The following NCK2 variants were observed in gnomAD, a reference collection of about 807,000 sequenced individuals.
NCK2 encodes cytoplasmic protein NCK2.
In NCK2, 16 loss-of-function variants were observed where a neutral mutation model predicts 33.9. The observed-to-expected ratio is 0.47, with a 90% CI of 0.32 to 0.72. The LOEUF is 0.72. Among genes scored for constraint, NCK2 ranks in the 30% least tolerant of loss-of-function variants. NCK2 has a pLI of 0.03. For missense variants in NCK2, 418 were observed against 537.3 expected, an observed-to-expected ratio of 0.78 and a Z score of 2.19; for synonymous variants, 273 against 239.9, an observed-to-expected ratio of 1.14 and a Z score of -1.27.
chr2:105,843,132 A>T (rs968455584), intron 2 of NCK2, among the ~76,000 whole-genome samples: 13 of 152,126 alleles, frequency 8.5e-5, no homozygotes, highest in African/African-American at 2.9e-4. Context: ...ATATCTACAT[A>T]TACATAAATG....
At chr2:105,776,520 G>T (rs1205822788) in intron 1 of NCK2, among the ~76,000 whole-genome samples, 1 of 152,160 alleles carries the variant, frequency 6.6e-6, no homozygotes, top group African/African-American at 2.4e-5. Context: ...CCCGTGGAGG[G>T]CTCCTGCATG....
intron 1 of NCK2, among the ~76,000 whole-genome samples, chr2:105,775,197 T>C (rs1690260960): frequency 6.6e-6 from 1 of 152,218 alleles, no homozygotes; most frequent in African/African-American, 2.4e-5. Flanking sequence ...TTGTAAGTAA[T>C]TTGCACTGTG....
chr2:105,826,278 G>A (rs555238850), intron 2 of NCK2, among the ~76,000 whole-genome samples: 84 of 152,224 alleles, frequency 5.5e-4, no homozygotes, highest in Middle Eastern at 6.8e-3. Context: ...CACCAAGACA[G>A]CATGGGGGAA....
chr2:105,797,740 A>G (rs1691135455), intron 1 of NCK2, among the ~76,000 whole-genome samples: 1 of 152,346 alleles, frequency 6.6e-6, no homozygotes, highest in African/African-American at 2.4e-5. Flanking sequence ...TGATCAGTTA[A>G]AACAAAACAC....
intron 1 of NCK2, among the ~76,000 whole-genome samples, chr2:105,784,154 C>A (rs60398425): frequency 0.019 from 2,857 of 152,278 alleles, 52 homozygotes; most frequent in Non-Finnish European, 0.022. Context: ...CCCAGGCTGG[C>A]GTGCAGTGGC....
chr2:105,763,332 G>A (rs1232298263), intron 1 of NCK2, among the ~76,000 whole-genome samples: 1 of 152,160 alleles, frequency 6.6e-6, no homozygotes, highest in African/African-American at 2.4e-5. Flanking sequence ...GACCGAGGCT[G>A]CTGGCCAGAG....
chr2:105,883,432 G>C (rs1289132795), intron 4 of NCK2, among the ~76,000 whole-genome samples: 3 of 152,204 alleles, frequency 2.0e-5, no homozygotes, highest in Non-Finnish European at 4.4e-5. Flanking sequence ...CACAAAATAT[G>C]ATCTTGGCTT....
At chr2:105,838,805 GTA>G (rs1166580159) in intron 2 of NCK2, among the ~76,000 whole-genome samples, 1 of 152,112 alleles carries the variant, frequency 6.6e-6, no homozygotes, top group Non-Finnish European at 1.5e-5. Context: ...TGTTTGCTGA[GTA>G]TATATATGCA....
At chr2:105,774,952 G>A (rs1280080728) in intron 1 of NCK2, among the ~76,000 whole-genome samples, 1 of 152,114 alleles carries the variant, frequency 6.6e-6, no homozygotes, top group Non-Finnish European at 1.5e-5. Context: ...CCCAGTGCAG[G>A]AGGATCAGTT....
At chr2:105,811,502 G>C (rs929007888) in intron 1 of NCK2, among the ~76,000 whole-genome samples, 4 of 152,196 alleles carry the variant, frequency 2.6e-5, no homozygotes, top group African/African-American at 9.7e-5. Context: ...ACCTGAATGT[G>C]TGTTCCCAGC....
chr2:105,878,988 T>C (rs1158498892), intron 3 of NCK2, among the ~76,000 whole-genome samples: 2 of 152,226 alleles, frequency 1.3e-5, no homozygotes, highest in African/African-American at 4.8e-5. Context: ...CTGTATTTTG[T>C]TTTTGAAAGA....
chr2:105,865,772 A>T (rs1165999907), intron 3 of NCK2, among the ~76,000 whole-genome samples: 6 of 152,282 alleles, frequency 3.9e-5, no homozygotes, highest in African/African-American at 1.4e-4. Context: ...AGTCATCTTC[A>T]GCATCTTTGT....
At chr2:105,816,818 G>A (rs1440061321) in intron 2 of NCK2, among the ~76,000 whole-genome samples, 1 of 152,192 alleles carries the variant, frequency 6.6e-6, no homozygotes, top group Non-Finnish European at 1.5e-5. Flanking sequence ...TAGCCAGGAA[G>A]CAGGATGGTA....
chr2:105,808,919 G>A (rs773727726), intron 1 of NCK2, among the ~76,000 whole-genome samples: 2 of 152,154 alleles, frequency 1.3e-5, no homozygotes, highest in Non-Finnish European at 2.9e-5. Context: ...ATTTGCTTTA[G>A]CCATCTTGTG....
intron 4 of NCK2, among the ~76,000 whole-genome samples, chr2:105,882,540 A>C (rs1011139429): frequency 1.3e-5 from 2 of 152,180 alleles, no homozygotes; most frequent in African/African-American, 4.8e-5. Context: ...AGGCAGCGCC[A>C]CTGAGTTCAT....
intron 1 of NCK2, among the ~76,000 whole-genome samples, chr2:105,775,021 T>G (rs1256140762): frequency 6.6e-6 from 1 of 152,040 alleles, no homozygotes; most frequent in Non-Finnish European, 1.5e-5. Context: ...TCTACAATGA[T>G]AATAATAATA....
intron 2 of NCK2, among the ~76,000 whole-genome samples, chr2:105,839,158 C>T (rs78576957): frequency 0.068 from 10,362 of 152,132 alleles, 378 homozygotes; most frequent in South Asian, 0.13. Flanking sequence ...CATTCCAATG[C>T]GAAGACCCCA....
chr2:105,767,544 T>C (rs1193755337), intron 1 of NCK2, among the ~76,000 whole-genome samples: 1 of 152,242 alleles, frequency 6.6e-6, no homozygotes, highest in Non-Finnish European at 1.5e-5. Flanking sequence ...AATACAGTTT[T>C]ATTAGAACCC....
At chr2:105,762,718 G>A (rs995287134) in intron 1 of NCK2, among the ~76,000 whole-genome samples, 2 of 152,206 alleles carry the variant, frequency 1.3e-5, no homozygotes, top group Non-Finnish European at 2.9e-5. Context: ...AGTGATGCAC[G>A]TGTGTTGAAA....
Sources: gnomAD v4.1 joint callset for allele counts (sites outside exome capture counted in the v4.1 genomes callset) on GRCh38, gnomAD v4.1.1 for gene constraint, MANE v1.5 for transcripts, NCBI Gene and HGNC (gene_info 2026-07-23, HGNC 2026-07-21) for gene names.